Variants in INTS9 observed in about 807,000 individuals in gnomAD.
INTS9 encodes protein related to CPSF subunits of 74 kDa.
Under a neutral mutation model 79.7 loss-of-function variants are expected in INTS9, and 55 were observed. The observed-to-expected ratio is 0.69, with a 90% CI of 0.56 to 0.86. INTS9 has a LOEUF of 0.86. Ranked by LOEUF, INTS9 falls within the 40% of genes least tolerant of loss-of-function variation. The probability of loss-of-function intolerance (pLI) is 0.00; values close to 1 mark genes in which losing one functional copy is unlikely to be tolerated. For missense variants in INTS9, 721 were observed against 831.5 expected, an observed-to-expected ratio of 0.87 and a Z score of 1.64; for synonymous variants, 319 against 325.2, an observed-to-expected ratio of 0.98 and a Z score of 0.20.
intron 9 of INTS9, among the ~76,000 whole-genome samples, chr8:28,794,855 C>A (rs1220455042): frequency 5.3e-5 from 8 of 152,110 alleles, no homozygotes; most frequent in African/African-American, 1.2e-4. Context: ...TAAGGGAATG[C>A]GGTTAGTGGA....
intron 8 of INTS9, 103 bp downstream of exon 8, chr8:28,812,224 C>T (rs1437359317): frequency 1.2e-5 from 14 of 1,189,590 alleles, no homozygotes; most frequent in Non-Finnish European, 7.3e-6. Flanking sequence ...TGTAGAAAAC[C>T]ATATTTGGAA....
intron 8 of INTS9, among the ~76,000 whole-genome samples, chr8:28,810,582 G>A (rs1335312820): frequency 6.6e-6 from 1 of 152,022 alleles, no homozygotes; most frequent in African/African-American, 2.4e-5. Context: ...ACTCCAGTCC[G>A]GGTGACAGAA....
At position 28,827,518 on chromosome 8, in the gene INTS9, G is replaced by A. The variant is rs867212178; in HGVS notation, c.488+7774C>T. On this transcript the variant is annotated intron_variant, in intron 6 of 16. Coordinates refer to ENST00000521022, the MANE Select transcript of INTS9 (RefSeq NM_018250.4). ...AGAATACAAAGAAGATAGGAATCAG[G>A]AAAGTTCCCTGCCTGACTCTCATCA... 3.3e-5 allele frequency among the ~76,000 whole-genome samples: 5 copies of A among 152,288 alleles called. No homozygotes were observed. The Middle Eastern group carries it at 0.01, about 311-fold the overall frequency.
chr8:28,793,127 C>T (rs979103222), intron 10 of INTS9, among the ~76,000 whole-genome samples: 5 of 152,090 alleles, frequency 3.3e-5, no homozygotes, highest in African/African-American at 7.2e-5. Context: ...CTGTGTCTAT[C>T]GGCTACCTCA....
chr8:28,861,371 T>C (rs752105569), intron 1 of INTS9, among the ~76,000 whole-genome samples: 1 of 152,230 alleles, frequency 6.6e-6, no homozygotes, highest in Non-Finnish European at 1.5e-5. Flanking sequence ...CAAAGCATCA[T>C]GTTAAACTTG....
chr8:28,775,748 G>C lies in INTS9; in HGVS notation c.1563+11C>G. On this transcript the variant is annotated intron_variant, in intron 14 of 16. Transcript: ENST00000521022. The stretch of plus-strand genomic sequence containing the variant: ...AGCTCTAGTTTAACCCTAGGAAGGA[G>C]AACAGCTCACCTCTGGCATGATCTC... 2 of 1,613,864 alleles carry C rather than the reference G, an allele frequency of 1.2e-6. No individual in the cohort carries two copies. The highest frequency in any genetic ancestry group is 4.5e-5 in the East Asian group (2 of 44,864).
intron 1 of INTS9, among the ~76,000 whole-genome samples, chr8:28,873,652 T>A (rs545900566): frequency 4.6e-5 from 7 of 152,290 alleles, no homozygotes; most frequent in Non-Finnish European, 1.0e-4. Context: ...CATATATAGG[T>A]AAAAATTCAT....
chr8:28,774,176 T>C (rs1454777093), intron 14 of INTS9, among the ~76,000 whole-genome samples: 3 of 152,186 alleles, frequency 2.0e-5, no homozygotes, highest in Non-Finnish European at 4.4e-5. Context: ...GTATGAGGTG[T>C]GATTCCAGTA....
chr8:28,866,792 C>T (rs541844789), intron 1 of INTS9, among the ~76,000 whole-genome samples: 24 of 150,116 alleles, frequency 1.6e-4, no homozygotes, highest in Non-Finnish European at 2.4e-4. Context: ...CCGGCAAACA[C>T]GGTGAAACCT....
intron 11 of INTS9, among the ~76,000 whole-genome samples, chr8:28,782,454 C>T (rs1803330225): frequency 6.6e-6 from 1 of 152,252 alleles, no homozygotes; most frequent in African/African-American, 2.4e-5. Flanking sequence ...AGACCAAAGA[C>T]TGTACTTTCA....
At chr8:28,800,406 G>T (rs1804454466) in intron 8 of INTS9, among the ~76,000 whole-genome samples, 1 of 152,150 alleles carries the variant, frequency 6.6e-6, no homozygotes, top group Non-Finnish European at 1.5e-5. Flanking sequence ...GGAGAAAGGA[G>T]TTGAGTAAAG....
At chr8:28,855,034 A>G (rs1444725570) in intron 2 of INTS9, among the ~76,000 whole-genome samples, 4 of 152,146 alleles carry the variant, frequency 2.6e-5, no homozygotes, top group Non-Finnish European at 1.5e-5. Context: ...CCTTCTCACC[A>G]TGAACATCTT....
chr8:28,809,362 C>A (rs1041339977), intron 8 of INTS9, among the ~76,000 whole-genome samples: 1 of 152,160 alleles, frequency 6.6e-6, no homozygotes, highest in Non-Finnish European at 1.5e-5. Context: ...ATTTAGTGCC[C>A]AGGCCACAGT....
chr8:28,770,382 T>TG (rs932773681), intron 15 of INTS9, among the ~76,000 whole-genome samples: 3 of 152,344 alleles, frequency 2.0e-5, no homozygotes, highest in African/African-American at 7.2e-5. Context: ...ACACTGGCTG[T>TG]GGGGTCAGAC....
intron 12 of INTS9, chr8:28,780,392 A>C: frequency 6.1e-6 from 6 of 985,300 alleles, no homozygotes; most frequent in Non-Finnish European, 7.2e-6. Flanking sequence ...ACTCTACTTG[A>C]CCTTATCAAA....
intron 14 of INTS9, 133 bp downstream of exon 14, chr8:28,775,626 A>G (rs947018003): frequency 3.9e-5 from 38 of 972,356 alleles, no homozygotes; most frequent in Non-Finnish European, 5.5e-5. Context: ...TGCTGGGATT[A>G]TAGGCGTGAG....
intron 6 of INTS9, among the ~76,000 whole-genome samples, chr8:28,833,709 T>C (rs1196833998): frequency 1.3e-5 from 2 of 151,856 alleles, no homozygotes; most frequent in Admixed American, 6.6e-5. Context: ...AGACTAGTTT[T>C]TACTCCAGAC....
At chr8:28,814,281 T>TTC (rs200931184) in intron 6 of INTS9, among the ~76,000 whole-genome samples, 54 of 99,112 alleles carry the variant, frequency 5.4e-4, no homozygotes, top group African/African-American at 2.0e-3. Flanking sequence ...TGAACAGGGC[T>TTC]TCTCACACAC....
At chr8:28,786,728 C>CT (rs915061062) in intron 11 of INTS9, among the ~76,000 whole-genome samples, 21 of 151,718 alleles carry the variant, frequency 1.4e-4, no homozygotes, top group African/African-American at 4.1e-4. Flanking sequence ...TTCTTTTTTT[C>CT]TTTTTTTGAG....
Sources: gnomAD v4.1 joint callset for allele counts (sites outside exome capture counted in the v4.1 genomes callset) on GRCh38, gnomAD v4.1.1 for gene constraint, MANE v1.5 for transcripts, NCBI Gene and HGNC (gene_info 2026-07-23, HGNC 2026-07-21) for gene names.